Variants in CSMD1 observed in about 807,000 individuals in gnomAD.
CSMD1 encodes the protein CUB and sushi domain-containing protein 1.
A neutral mutation model predicts 417.5 loss-of-function variants in CSMD1; 213 were observed. That is an observed-to-expected ratio of 0.51 (90% CI 0.46 to 0.57). CSMD1 has a LOEUF of 0.57. Ranked by LOEUF, CSMD1 falls within the 20% of genes least tolerant of loss-of-function variation. The pLI is 0.00. For missense variants in CSMD1, 6,923 were observed against 4,529.7 expected (o/e 1.53, Z -15.17); for synonymous variants, 2,862 against 1,736.8 (o/e 1.65, Z -16.11).
chr8:4,421,938 C>T (rs1797272258), intron 2 of CSMD1, among the ~76,000 whole-genome samples: 1 of 151,852 alleles, frequency 6.6e-6, no homozygotes, highest in Non-Finnish European at 1.5e-5. Context: ...TCAGAAGGTA[C>T]AAAGAGTCAC....
intron 1 of CSMD1, among the ~76,000 whole-genome samples, chr8:4,943,473 G>A (rs1163807005): frequency 6.7e-6 from 1 of 150,110 alleles, no homozygotes; most frequent in African/African-American, 2.5e-5. Flanking sequence ...TCCAGCTTGG[G>A]GGACAGAGTG....
At chr8:4,476,726 C>T (rs973329794) in intron 2 of CSMD1, among the ~76,000 whole-genome samples, 5 of 152,096 alleles carry the variant, frequency 3.3e-5, no homozygotes, top group African/African-American at 4.8e-5. Context: ...TTATGAATAG[C>T]TTTCTTAATT....
chr8:3,151,084 AG>A (rs1819165458), intron 40 of CSMD1, among the ~76,000 whole-genome samples: 1 of 152,238 alleles, frequency 6.6e-6, no homozygotes, highest in South Asian at 2.1e-4. Flanking sequence ...GAGATAGATT[AG>A]AAAAAGAGCT....
intron 6 of CSMD1, among the ~76,000 whole-genome samples, chr8:3,720,462 C>T (rs559953082): frequency 6.6e-6 from 1 of 152,296 alleles, no homozygotes; most frequent in East Asian, 1.9e-4. Context: ...TACATGTGTC[C>T]TTTCAGATCT....
intron 5 of CSMD1, among the ~76,000 whole-genome samples, chr8:3,925,890 T>A (rs983543016): frequency 1.9e-4 from 29 of 152,156 alleles, no homozygotes; most frequent in African/African-American, 5.8e-4. Flanking sequence ...TTTTATTTTT[T>A]AAATATATAC....
At chr8:4,406,049 C>G (rs781007514) in intron 3 of CSMD1, among the ~76,000 whole-genome samples, 10 of 152,182 alleles carry the variant, frequency 6.6e-5, no homozygotes, top group Non-Finnish European at 1.3e-4. Flanking sequence ...CTGCTGGAAA[C>G]AATGCCAGCA....
chr8:4,051,160 C>G (rs1472906999), intron 3 of CSMD1, among the ~76,000 whole-genome samples: 1 of 152,068 alleles, frequency 6.6e-6, no homozygotes, highest in Non-Finnish European at 1.5e-5. Context: ...GAGTAGAAAG[C>G]AGAAATGGCA....
intron 3 of CSMD1, among the ~76,000 whole-genome samples, chr8:4,104,423 C>G (rs1295537332): frequency 6.7e-6 from 1 of 148,154 alleles, no homozygotes; most frequent in African/African-American, 2.5e-5. Context: ...CGCACACACA[C>G]ATGCGCACAC....
intron 7 of CSMD1, among the ~76,000 whole-genome samples, chr8:3,682,550 T>A (rs944045285): frequency 9.9e-5 from 15 of 152,280 alleles, no homozygotes; most frequent in Non-Finnish European, 2.1e-4. Context: ...CAACAGGTGC[T>A]GGAGAGGATG....
intron 5 of CSMD1, among the ~76,000 whole-genome samples, chr8:3,917,505 A>G (rs1242100629): frequency 1.3e-5 from 2 of 152,190 alleles, no homozygotes; most frequent in Non-Finnish European, 2.9e-5. Context: ...AGATAAACAT[A>G]AAAAATACAC....
chr8:4,784,541 A>C (rs1797305698), intron 1 of CSMD1, among the ~76,000 whole-genome samples: 1 of 152,190 alleles, frequency 6.6e-6, no homozygotes, highest in Non-Finnish European at 1.5e-5. Flanking sequence ...TTAGTGTTTT[A>C]AGATTTAGTT....
intron 6 of CSMD1, among the ~76,000 whole-genome samples, chr8:3,721,024 T>C (rs898740324): frequency 9.9e-5 from 15 of 152,182 alleles, no homozygotes; most frequent in African/African-American, 3.6e-4. Flanking sequence ...GGTTTCACCA[T>C]GTTAGTCACG....
At chr8:4,978,912 T>G (rs1356386543) in intron 1 of CSMD1, among the ~76,000 whole-genome samples, 4 of 152,218 alleles carry the variant, frequency 2.6e-5, no homozygotes, top group African/African-American at 9.6e-5. Flanking sequence ...CACTCCAGCC[T>G]GGGCGACAGA....
At chr8:4,697,528 T>C (rs1807216945) in intron 1 of CSMD1, among the ~76,000 whole-genome samples, 1 of 152,176 alleles carries the variant, frequency 6.6e-6, no homozygotes, top group Non-Finnish European at 1.5e-5. Flanking sequence ...TCCTGTATTG[T>C]TTACTCAATT....
chr8:4,399,438 G>C (rs945639323), intron 3 of CSMD1, among the ~76,000 whole-genome samples: 3 of 152,176 alleles, frequency 2.0e-5, no homozygotes, highest in African/African-American at 4.8e-5. Context: ...AAATTGATGA[G>C]CCTTTCAAAG....
chr8:3,719,154 T>C (rs1025827925), intron 6 of CSMD1, among the ~76,000 whole-genome samples: 1 of 152,244 alleles, frequency 6.6e-6, no homozygotes, highest in Non-Finnish European at 1.5e-5. Context: ...TTCTTTTCTA[T>C]ACTTCGTTGC....
chr8:4,840,635 T>C (rs186514944), intron 1 of CSMD1, among the ~76,000 whole-genome samples: 68 of 152,322 alleles, frequency 4.5e-4, no homozygotes, highest in East Asian at 1.7e-3. Context: ...CGAATGAGCA[T>C]TGCTATACTT....
intron 1 of CSMD1, among the ~76,000 whole-genome samples, chr8:4,743,022 C>T (rs1320950744): frequency 6.6e-6 from 1 of 152,196 alleles, no homozygotes; most frequent in Non-Finnish European, 1.5e-5. Context: ...TGGAGAATTA[C>T]AGCTATTTTC....
chr8:3,891,038 G>T (rs919311791), intron 5 of CSMD1, among the ~76,000 whole-genome samples: 6 of 147,226 alleles, frequency 4.1e-5, no homozygotes, highest in African/African-American at 1.5e-4. Flanking sequence ...CAGCTTTTTT[G>T]TTTTTTTTTT....
Sources: gnomAD v4.1 joint callset for allele counts (sites outside exome capture counted in the v4.1 genomes callset) on GRCh38, gnomAD v4.1.1 for gene constraint, MANE v1.5 for transcripts, NCBI Gene and HGNC (gene_info 2026-07-23, HGNC 2026-07-21) for gene names.